Variants in NFIB observed in about 807,000 individuals in gnomAD.
NFIB encodes nuclear factor I B, also known as nuclear factor 1 B-type.
Under a neutral mutation model 61.5 loss-of-function variants are expected in NFIB, and 11 were observed. The observed-to-expected ratio is 0.18, with a 90% confidence interval of 0.11 to 0.30. The LOEUF (loss-of-function observed/expected upper bound fraction) is 0.30, where lower values mean the gene tolerates loss of function less well. NFIB is among the 10% of genes least tolerant of loss of function. The probability of loss-of-function intolerance (pLI) is 1.00; values close to 1 mark genes in which losing one functional copy is unlikely to be tolerated. For synonymous variants in NFIB, 260 were observed against 216.5 expected (o/e 1.20, Z -1.76); for missense variants, 471 against 608.9 (o/e 0.77, Z 2.38).
chr9:14,530,193 C>G, the NFIB span, among the ~76,000 whole-genome samples: 1 of 152,176 alleles, frequency 6.6e-6, no homozygotes, highest in Non-Finnish European at 1.5e-5. Flanking sequence ...TAAAACATCA[C>G]TTCCAAGCCT....
intron 5 of NFIB, among the ~76,000 whole-genome samples, chr9:14,149,360 G>A (rs1340746273): frequency 6.6e-6 from 1 of 152,006 alleles, no homozygotes; most frequent in Non-Finnish European, 1.5e-5. Flanking sequence ...TAAAATGAGT[G>A]TTTTGCTCTA....
chr9:14,490,050 A>C, the NFIB span, among the ~76,000 whole-genome samples: 1 of 152,190 alleles, frequency 6.6e-6, no homozygotes, highest in African/African-American at 2.4e-5. Flanking sequence ...AATTCCTAGA[A>C]GTAGAAATGG....
chr9:14,353,928 G>A (rs542572887), intron 1 of NFIB, among the ~76,000 whole-genome samples: 3 of 150,894 alleles, frequency 2.0e-5, no homozygotes, highest in African/African-American at 2.4e-5. Flanking sequence ...TGGTGCAGTG[G>A]AAAGTACGCT....
intron 2 of NFIB, among the ~76,000 whole-genome samples, chr9:14,291,450 A>C (rs1046131726): frequency 6.6e-6 from 1 of 152,164 alleles, no homozygotes; most frequent in African/African-American, 2.4e-5. Flanking sequence ...ACGCCACTGC[A>C]CTCCAGTCTG....
At chr9:14,187,132 TA>T (rs1368989530) in intron 2 of NFIB, among the ~76,000 whole-genome samples, 1 of 151,622 alleles carries the variant, frequency 6.6e-6, no homozygotes, top group Non-Finnish European at 1.5e-5. Context: ...CTCTTTTCAA[TA>T]GGGCATTAAA....
At position 14,255,342 on chromosome 9, in the gene NFIB, C is replaced by G. The variant is rs534513137; in HGVS notation, c.562+51647G>C. Among the ~76,000 whole-genome samples the G allele has an allele frequency of 2.0e-5, 3 of 152,308 alleles. No individual in the cohort carries two copies. The East Asian group carries it at 5.8e-4, about 29-fold the overall frequency. On this transcript the variant is annotated intron_variant, in intron 2 of 10. Transcript: ENST00000380953. Reference sequence around the variant, plus strand: ...TGCTGAATTTGTTGAACTTGTGTCTCTAACAGATTACTGACATTTCCTTAA... The same window carrying G: ...TGCTGAATTTGTTGAACTTGTGTCTGTAACAGATTACTGACATTTCCTTAA...
At chr9:14,132,762 G>A (rs2040548989) in intron 6 of NFIB, among the ~76,000 whole-genome samples, 1 of 151,914 alleles carries the variant, frequency 6.6e-6, no homozygotes, top group South Asian at 2.1e-4. Flanking sequence ...GACAAAGTCT[G>A]GCTATATTGC....
intron 2 of NFIB, among the ~76,000 whole-genome samples, chr9:14,272,162 T>C (rs1588056656): frequency 6.6e-6 from 1 of 152,130 alleles, no homozygotes; most frequent in Non-Finnish European, 1.5e-5. Flanking sequence ...TTATACGTTT[T>C]GAACAAACTT....
the NFIB span, among the ~76,000 whole-genome samples, chr9:14,478,312 C>A: frequency 6.6e-6 from 1 of 152,186 alleles, no homozygotes; most frequent in Non-Finnish European, 1.5e-5. Flanking sequence ...CTTGCTTTTG[C>A]CTCAGATGCT....
intron 1 of NFIB, among the ~76,000 whole-genome samples, chr9:14,337,066 T>G (rs1244834970): frequency 6.6e-6 from 1 of 152,240 alleles, no homozygotes; most frequent in Non-Finnish European, 1.5e-5. Flanking sequence ...CATTTCAGAA[T>G]GTAAAAACCA....
At chr9:14,486,225 G>T in the NFIB span, among the ~76,000 whole-genome samples, 4 of 152,172 alleles carry the variant, frequency 2.6e-5, no homozygotes, top group East Asian at 7.7e-4. Flanking sequence ...AGAGGACATA[G>T]CTCCTTATGA....
At chr9:14,503,363 C>CCA in the NFIB span, among the ~76,000 whole-genome samples, 1 of 152,088 alleles carries the variant, frequency 6.6e-6, no homozygotes, top group Admixed American at 6.6e-5. Flanking sequence ...TAAGGAATCT[C>CCA]CACACTGTTT....
At chr9:14,252,178 C>T (rs1248106222) in intron 2 of NFIB, among the ~76,000 whole-genome samples, 1 of 152,070 alleles carries the variant, frequency 6.6e-6, no homozygotes, top group African/African-American at 2.4e-5. Context: ...TTTCTTCCTC[C>T]AGAAGAAAAT....
At chr9:14,382,066 C>T (rs1000536304) in intron 1 of NFIB, among the ~76,000 whole-genome samples, 25 of 152,112 alleles carry the variant, frequency 1.6e-4, no homozygotes, top group Admixed American at 1.4e-3. Flanking sequence ...AGTTTGCTTT[C>T]GACTAGCTTG....
At chr9:14,126,909 G>A (rs1281599636) in intron 6 of NFIB, among the ~76,000 whole-genome samples, 1 of 152,074 alleles carries the variant, frequency 6.6e-6, no homozygotes, top group Non-Finnish European at 1.5e-5. Flanking sequence ...CACTAGCCTG[G>A]GACACACTGG....
the NFIB span, among the ~76,000 whole-genome samples, chr9:14,471,344 A>G: frequency 2.6e-5 from 4 of 152,310 alleles, no homozygotes; most frequent in African/African-American, 9.6e-5. Context: ...CTGGTCTTTA[A>G]TCACTGTTGT....
At chr9:14,415,419 C>G in the NFIB span, among the ~76,000 whole-genome samples, 4 of 152,170 alleles carry the variant, frequency 2.6e-5, no homozygotes, top group African/African-American at 4.8e-5. Flanking sequence ...TGAATGACAT[C>G]CCATCACCTT....
At chr9:14,481,214 T>C in the NFIB span, among the ~76,000 whole-genome samples, 1 of 91,452 alleles carries the variant, frequency 1.1e-5, no homozygotes, top group Admixed American at 1.1e-4. Flanking sequence ...TATATATATA[T>C]ATATATATAT....
At chr9:14,448,912 G>A in the NFIB span, among the ~76,000 whole-genome samples, 1 of 152,204 alleles carries the variant, frequency 6.6e-6, no homozygotes, top group African/African-American at 2.4e-5. Flanking sequence ...GGGAGATAGA[G>A]GGATATGCAT....
Sources: allele counts gnomAD v4.1 joint callset (sites outside exome capture counted in the v4.1 genomes callset), GRCh38; gene constraint gnomAD v4.1.1; transcripts MANE v1.5; gene names NCBI Gene and HGNC (gene_info 2026-07-23, HGNC 2026-07-21).